BCAT1: variants seen among roughly 807,000 people sequenced by gnomAD.
BCAT1 encodes branched-chain-amino-acid aminotransferase, cytosolic.
BCAT1 carries 48 observed loss-of-function variants against 52.4 expected under a neutral mutation model. The ratio of observed to expected loss-of-function variants is 0.92; its 90% CI spans 0.73 to 1.16. The LOEUF (loss-of-function observed/expected upper bound fraction) is 1.16, where lower values mean the gene tolerates loss of function less well. BCAT1 is among the 50% of genes most tolerant of loss of function. BCAT1 has a pLI of 0.00. For synonymous variants in BCAT1, 167 were observed against 161.3 expected (o/e 1.04, Z -0.27); for missense variants, 451 against 457.1 (o/e 0.99, Z 0.12).
At chr12:24,909,564 T>C (rs370738741) in intron 1 of BCAT1, among the ~76,000 whole-genome samples, 42 of 152,138 alleles carry the variant, frequency 2.8e-4, no homozygotes, top group African/African-American at 9.9e-4. Context: ...CCAGCTTCCT[T>C]TGGAACCTGT....
At chr12:24,866,435 C>T (rs931790418) in intron 5 of BCAT1, among the ~76,000 whole-genome samples, 2 of 152,202 alleles carry the variant, frequency 1.3e-5, no homozygotes, top group Admixed American at 6.5e-5. Flanking sequence ...GTGCCACCCC[C>T]ACTCCACAGT....
At chr12:24,832,186 T>C (rs1276657443) in intron 9 of BCAT1, among the ~76,000 whole-genome samples, 2 of 152,014 alleles carry the variant, frequency 1.3e-5, no homozygotes, top group Non-Finnish European at 2.9e-5. Context: ...AGTGAGCTGG[T>C]AGGAAGGAAG....
At chr12:24,912,548 A>G (rs1222010788) in intron 1 of BCAT1, among the ~76,000 whole-genome samples, 1 of 151,846 alleles carries the variant, frequency 6.6e-6, no homozygotes, top group African/African-American at 2.4e-5. Flanking sequence ...ATGCCTGACA[A>G]TGAGCAATAT....
chr12:24,827,113 T>A (rs1858113213), intron 10 of BCAT1, among the ~76,000 whole-genome samples: 1 of 152,242 alleles, frequency 6.6e-6, no homozygotes, highest in African/African-American at 2.4e-5. Flanking sequence ...CTTTTCCAAT[T>A]TGGATGCCCT....
At chr12:24,903,127 C>T (rs1591860883) in intron 1 of BCAT1, 7 of 1,318,632 alleles carry the variant, frequency 5.3e-6, no homozygotes, top group Non-Finnish European at 6.7e-6. Context: ...GGCCGCGCGC[C>T]AGGGCCAGGC....
rs79721387 is a variant in BCAT1, at chr12:24,901,865, G to A, written c.27C>T (p.Ser9=). The A allele has an allele frequency of 6.2e-6, 10 of 1,613,960 alleles. No homozygotes were observed. Among genetic ancestry groups the A allele is most frequent in the East Asian group, 2.2e-5 (1 of 44,886 alleles). The change falls in exon 2 of 11, where the codon TCC becomes TCT. Residue 9 remains serine, a synonymous_variant. Coordinates refer to ENST00000261192, the MANE Select transcript of BCAT1 (RefSeq NM_005504.7). MKDCSNGC[S]AECTGEGGSK... is the part of the protein sequence containing the mutation. Reference sequence around the variant, plus strand: ...ATCCTCCTTCTCCGGTACACTCTGCGGAGCATCCGTTACTGCAATCCTTAA... The same window carrying A: ...ATCCTCCTTCTCCGGTACACTCTGCAGAGCATCCGTTACTGCAATCCTTAA...
Position 24,878,556 on chromosome 12 carries a change from T to C in BCAT1, c.484A>G (p.Ile162Val). The C allele has an allele frequency of 6.2e-7, 1 of 1,612,280 alleles. No homozygotes were observed. The highest frequency in any genetic ancestry group is 1.1e-5 in the South Asian group (1 of 90,818). ...VPYSTSASLY[I>V]RPTFIGTEPS... is the part of the protein sequence containing the mutation. ...TCAGTTCCAATGAATGTAGGACGAA[T>C]ATACAGACTAGCAGATGTTGAATAT... is the stretch of plus-strand genomic sequence containing the variant. The change falls in exon 5 of 11, where the codon ATT becomes GTT. Residue 162 changes from isoleucine to valine, a missense_variant. Ile to Val is a conservative substitution (Grantham distance 29, BLOSUM62 3). Coordinates refer to ENST00000261192, the MANE Select transcript of BCAT1 (RefSeq NM_005504.7).
intron 1 of BCAT1, among the ~76,000 whole-genome samples, chr12:24,937,678 C>T (rs956546597): frequency 6.6e-6 from 1 of 152,038 alleles, no homozygotes; most frequent in Non-Finnish European, 1.5e-5. Context: ...AGTCACCATG[C>T]CCCACCGGGT....
chr12:24,889,049 C>G (rs573797498), intron 3 of BCAT1, among the ~76,000 whole-genome samples: 1 of 152,340 alleles, frequency 6.6e-6, no homozygotes, highest in South Asian at 2.1e-4. Flanking sequence ...ATCAAACCAA[C>G]CTGTTAGCCC....
chr12:24,853,216 G>A (rs1166586748), intron 5 of BCAT1, among the ~76,000 whole-genome samples: 2 of 152,132 alleles, frequency 1.3e-5, no homozygotes, highest in Non-Finnish European at 2.9e-5. Flanking sequence ...ATCAATGGTG[G>A]ACTGAATAAA....
rs1939633589 is a variant in BCAT1, at chr12:24,810,078, T to C, written c.*7930A>G. 6.6e-6 allele frequency: 1 copy of C among 152,212 alleles called. No homozygotes were observed. The highest frequency in any genetic ancestry group is 2.1e-4 in the South Asian group (1 of 4,824). The allele number at this position is 152,212 out of a possible 1,614,324, so 9.4% of individuals were successfully genotyped here. A position where few individuals can be genotyped will look rare whatever the true frequency, so the allele number is the denominator to read the frequency against. On this transcript the variant is annotated 3_prime_UTR_variant, in exon 11 of 11. Transcript: ENST00000261192. ...CTCACGAACTTTTCAGAATCCCTAG[T>C]GGCTTAGTGACAAAGACCTTTGGAG...
At chr12:24,899,742 G>T (rs1943045040) in intron 2 of BCAT1, among the ~76,000 whole-genome samples, 1 of 150,898 alleles carries the variant, frequency 6.6e-6, no homozygotes, top group Admixed American at 6.6e-5. Flanking sequence ...GATGGAACTG[G>T]AAGTCATTAT....
intron 3 of BCAT1, among the ~76,000 whole-genome samples, chr12:24,888,671 C>A (rs903106762): frequency 6.6e-6 from 1 of 152,106 alleles, no homozygotes; most frequent in African/African-American, 2.4e-5. Flanking sequence ...AATCCAGGGA[C>A]CCTGAAGTTC....
At chr12:24,933,322 TACC>T (rs1418912224) in intron 1 of BCAT1, among the ~76,000 whole-genome samples, 6 of 151,972 alleles carry the variant, frequency 3.9e-5, no homozygotes, top group Non-Finnish European at 8.8e-5. Context: ...GTTGTACTAA[TACC>T]ACCATTTCAT....
intron 6 of BCAT1, among the ~76,000 whole-genome samples, chr12:24,844,844 C>T (rs1396722434): frequency 4.5e-5 from 6 of 133,358 alleles, no homozygotes; most frequent in African/African-American, 1.7e-4. Flanking sequence ...TTGCAGTGAG[C>T]CGAGATCGCG....
intron 5 of BCAT1, among the ~76,000 whole-genome samples, chr12:24,859,138 G>T (rs1156563897): frequency 6.6e-6 from 1 of 152,158 alleles, no homozygotes; most frequent in Non-Finnish European, 1.5e-5. Flanking sequence ...TGTCTACAAG[G>T]TTTTCTTAAG....
At chr12:24,928,881 A>C (rs1457778529) in intron 1 of BCAT1, among the ~76,000 whole-genome samples, 1 of 151,016 alleles carries the variant, frequency 6.6e-6, no homozygotes, top group Non-Finnish European at 1.5e-5. Context: ...GATTACAGGC[A>C]CGTGCACCAT....
chr12:24,891,915 A>AT (rs10616253), intron 3 of BCAT1, among the ~76,000 whole-genome samples: 23,599 of 144,198 alleles, frequency 0.16, 2,049 homozygotes, highest in Middle Eastern at 0.25. Flanking sequence ...CGCCCGGCTA[A>AT]TTTTTTTTTT....
chr12:24,904,625 T>C (rs1021076127), intron 1 of BCAT1: 4 of 152,330 alleles, frequency 2.6e-5, no homozygotes, highest in African/African-American at 9.6e-5. Context: ...TCTCGTGCAT[T>C]TTCATGGCTG....
Sources: gnomAD v4.1 joint callset for allele counts (sites outside exome capture counted in the v4.1 genomes callset) on GRCh38, gnomAD v4.1.1 for gene constraint, MANE v1.5 for transcripts, NCBI Gene and HGNC (gene_info 2026-07-23, HGNC 2026-07-21) for gene names.